GRID2: variants seen among roughly 807,000 people sequenced by gnomAD.
The protein encoded by GRID2 is glutamate receptor ionotropic, delta-2.
GRID2 carries 33 observed loss-of-function variants against 114.8 expected under a neutral mutation model. That is an observed-to-expected ratio of 0.29 (90% CI 0.22 to 0.38). The LOEUF (loss-of-function observed/expected upper bound fraction) is 0.38. GRID2 is among the 10% of genes least tolerant of loss of function. GRID2 has a pLI of 1.00. For synonymous variants in GRID2, 505 were observed against 449.9 expected (o/e 1.12, Z -1.55); for missense variants, 1,184 against 1,257.7 (o/e 0.94, Z 0.89).
intron 1 of GRID2, among the ~76,000 whole-genome samples, chr4:92,585,243 A>G (rs1262680273): frequency 6.6e-6 from 1 of 151,978 alleles, no homozygotes; most frequent in African/African-American, 2.4e-5. Context: ...CATGCACAAA[A>G]GAATCATCTC....
intron 2 of GRID2, among the ~76,000 whole-genome samples, chr4:92,990,997 C>A (rs1303454823): frequency 6.6e-6 from 1 of 152,066 alleles, no homozygotes; most frequent in Non-Finnish European, 1.5e-5. Context: ...TAATGGTAGC[C>A]ATCTTGAATG....
rs887627060 is a variant in GRID2 at position 92,797,678 on chromosome 4, TCTAA to T, written c.244+207395_244+207398del. Among the ~76,000 whole-genome samples, 23 of 152,138 alleles carry T rather than the reference TCTAA, an allele frequency of 1.5e-4. No individual in the cohort carries two copies. In the East Asian group the frequency reaches 1.6e-3, roughly 10 times the overall value. ...TTATATTTTATGCATTTATGACATATCTAACTTTTTCTTTTTTTGCTATTTCTAT... is the reference window on the plus strand; with the variant it reads ...TTATATTTTATGCATTTATGACATATCTTTTTCTTTTTTTGCTATTTCTAT... On this transcript the variant is annotated intron_variant, in intron 2 of 15. Coordinates refer to ENST00000282020, the MANE Select transcript of GRID2 (RefSeq NM_001510.4).
chr4:93,620,572 G>A (rs1742123288), intron 13 of GRID2, among the ~76,000 whole-genome samples: 1 of 152,170 alleles, frequency 6.6e-6, no homozygotes, highest in African/African-American at 2.4e-5. Flanking sequence ...CAGGACACAA[G>A]TAATCTATAT....
At chr4:93,051,908 G>A (rs892815776) in intron 2 of GRID2, among the ~76,000 whole-genome samples, 1 of 151,586 alleles carries the variant, frequency 6.6e-6, no homozygotes, top group African/African-American at 2.4e-5. Flanking sequence ...TATTTTGTAG[G>A]TAGTGTTTTT....
chr4:93,008,245 G>A (rs2149227092), intron 2 of GRID2, among the ~76,000 whole-genome samples: 1 of 152,008 alleles, frequency 6.6e-6, no homozygotes, highest in Non-Finnish European at 1.5e-5. Context: ...ATTCTTGGGA[G>A]GATTTCTATA....
At chr4:93,026,002 A>T (rs1723851491) in intron 2 of GRID2, among the ~76,000 whole-genome samples, 1 of 151,802 alleles carries the variant, frequency 6.6e-6, no homozygotes, top group South Asian at 2.1e-4. Context: ...CATTACTTAG[A>T]AGAGAACAAA....
At chr4:92,499,549 T>A (rs575683139) in intron 1 of GRID2, among the ~76,000 whole-genome samples, 1 of 152,298 alleles carries the variant, frequency 6.6e-6, no homozygotes, top group East Asian at 1.9e-4. Context: ...TGGAAGAAGC[T>A]CATATTGAGC....
intron 14 of GRID2, among the ~76,000 whole-genome samples, chr4:93,696,179 T>A (rs1727003045): frequency 6.6e-6 from 1 of 152,216 alleles, no homozygotes; most frequent in South Asian, 2.1e-4. Flanking sequence ...TCCACCCTTC[T>A]ACATCATCCG....
intron 2 of GRID2, among the ~76,000 whole-genome samples, chr4:92,795,807 C>T (rs1387817394): frequency 6.6e-6 from 1 of 152,054 alleles, no homozygotes. Context: ...TTCAAAAGCA[C>T]TCATCTCCAT....
At chr4:92,926,897 C>T (rs928907107) in intron 2 of GRID2, among the ~76,000 whole-genome samples, 1 of 151,872 alleles carries the variant, frequency 6.6e-6, no homozygotes, top group African/African-American at 2.4e-5. Flanking sequence ...GCAGAGTCCT[C>T]ATAACCTAAT....
intron 2 of GRID2, among the ~76,000 whole-genome samples, chr4:92,987,170 T>C (rs930874854): frequency 2.0e-5 from 3 of 152,216 alleles, no homozygotes; most frequent in Admixed American, 1.3e-4. Context: ...ATTACTGTTA[T>C]ACTAAACTTA....
chr4:93,013,780 T>C (rs976459768), intron 2 of GRID2, among the ~76,000 whole-genome samples: 15 of 152,014 alleles, frequency 9.9e-5, no homozygotes, highest in African/African-American at 3.6e-4. Flanking sequence ...ACTAATCCAC[T>C]TTTAATGTTT....
intron 14 of GRID2, among the ~76,000 whole-genome samples, chr4:93,724,360 A>T (rs1045870702): frequency 2.0e-5 from 3 of 152,152 alleles, no homozygotes; most frequent in African/African-American, 7.2e-5. Flanking sequence ...TCATAATTTC[A>T]TGGCCTATAA....
intron 2 of GRID2, among the ~76,000 whole-genome samples, chr4:92,902,569 G>A (rs983223117): frequency 6.6e-6 from 1 of 151,908 alleles, no homozygotes; most frequent in Admixed American, 6.6e-5. Flanking sequence ...TCTTTGCCTA[G>A]GCCAATGACC....
chr4:92,989,468 T>G (rs755060797), intron 2 of GRID2, among the ~76,000 whole-genome samples: 45 of 151,426 alleles, frequency 3.0e-4, no homozygotes, highest in Admixed American at 4.0e-4. Flanking sequence ...AGGTGGTGAC[T>G]CCTTCACCGA....
chr4:92,639,881 CAAT>C (rs1397334180), intron 2 of GRID2, among the ~76,000 whole-genome samples: 4 of 151,602 alleles, frequency 2.6e-5, no homozygotes, highest in African/African-American at 9.7e-5. Flanking sequence ...ACAGTTTTTG[CAAT>C]AATAATTATA....
intron 4 of GRID2, among the ~76,000 whole-genome samples, chr4:93,181,717 T>C (rs1345015404): frequency 2.0e-5 from 3 of 152,212 alleles, no homozygotes; most frequent in African/African-American, 4.8e-5. Context: ...CAGCCTCTAC[T>C]AGCTTCCAAC....
At chr4:93,170,487 C>T (rs1171257132) in intron 4 of GRID2, among the ~76,000 whole-genome samples, 1 of 152,110 alleles carries the variant, frequency 6.6e-6, no homozygotes, top group Non-Finnish European at 1.5e-5. Flanking sequence ...ACATCACATC[C>T]GGATGTGTGT....
At chr4:93,624,516 T>C (rs976521206) in intron 13 of GRID2, among the ~76,000 whole-genome samples, 4 of 152,186 alleles carry the variant, frequency 2.6e-5, no homozygotes, top group African/African-American at 9.6e-5. Context: ...TACCAATAGA[T>C]AGATAACAGG....
Sources: gnomAD v4.1 joint callset for allele counts (sites outside exome capture counted in the v4.1 genomes callset) on GRCh38, gnomAD v4.1.1 for gene constraint, MANE v1.5 for transcripts, NCBI Gene and HGNC (gene_info 2026-07-23, HGNC 2026-07-21) for gene names.